The following PRICKLE1 variants were observed in gnomAD, a reference collection of about 807,000 sequenced individuals.
The protein encoded by PRICKLE1 is prickle-like protein 1.
PRICKLE1 carries 14 observed loss-of-function variants against 70.2 expected under a neutral mutation model. The ratio of observed to expected loss-of-function variants is 0.20; its 90% CI spans 0.13 to 0.31. The LOEUF (loss-of-function observed/expected upper bound fraction) is 0.31. Among genes scored for constraint, PRICKLE1 ranks in the 10% least tolerant of loss-of-function variants. The pLI is 1.00. For synonymous variants in PRICKLE1, 357 were observed against 379.9 expected (o/e 0.94, Z 0.70); for missense variants, 821 against 1,026.2 (o/e 0.80, Z 2.73).
intron 1 of PRICKLE1, among the ~76,000 whole-genome samples, chr12:42,542,614 G>A (rs1743598874): frequency 1.3e-5 from 2 of 152,280 alleles, no homozygotes; most frequent in East Asian, 1.9e-4. Context: ...TCATGCCATT[G>A]CACTCCAGTC....
Position 42,469,421 on chromosome 12 carries a change from A to G in PRICKLE1, c.384+29T>C, listed in dbSNP as rs765167311. ...CCACCCCATCCACATCACTGCCACA[A>G]GCTACGCATCAGAGAAGGGGCTGCT... On this transcript the variant is annotated intron_variant, in intron 4 of 7. Transcript: ENST00000345127. 6 of 1,613,176 alleles carry G rather than the reference A, an allele frequency of 3.7e-6. No individual in the cohort carries two copies. In the African/African-American group the frequency reaches 6.7e-5, roughly 18 times the overall value.
chr12:42,576,997 G>C (rs1940815176), intron 1 of PRICKLE1, among the ~76,000 whole-genome samples: 1 of 152,062 alleles, frequency 6.6e-6, no homozygotes, highest in South Asian at 2.1e-4. Context: ...AAGTTATTAG[G>C]GTTATTGAAA....
At chr12:42,565,589 G>C (rs895418669) in intron 1 of PRICKLE1, among the ~76,000 whole-genome samples, 1 of 152,148 alleles carries the variant, frequency 6.6e-6, no homozygotes, top group Non-Finnish European at 1.5e-5. Flanking sequence ...GTTTCTATGG[G>C]TTCACTCCCC....
In PRICKLE1 at chr12:42,574,417, G is replaced by C. The variant is rs570010034; in HGVS notation, c.-49+15048C>G. 8.9e-4 allele frequency among the ~76,000 whole-genome samples: 136 copies of C among 152,334 alleles called. 1 individual carries two copies. Among genetic ancestry groups the C allele is most frequent in the African/African-American group, 3.0e-3 (126 of 41,574 alleles). ...TATGGGCAACACTCTGAACCCCACT[G>C]TCTGTGGACTTTCCATCAACAAAGC... is the stretch of plus-strand genomic sequence containing the variant. On this transcript the variant is annotated intron_variant, in intron 1 of 7. Coordinates refer to ENST00000345127, the MANE Select transcript of PRICKLE1 (RefSeq NM_153026.3).
chr12:42,479,577 T>C (rs558185875), intron 1 of PRICKLE1, among the ~76,000 whole-genome samples: 1 of 152,344 alleles, frequency 6.6e-6, no homozygotes, highest in African/African-American at 2.4e-5. Context: ...TCATTCATCC[T>C]TATATTTAAA....
In PRICKLE1 at chr12:42,552,986, G is replaced by A. The variant is rs573307808; in HGVS notation, c.-49+36479C>T. Among the ~76,000 whole-genome samples, 14 of 152,328 alleles carry A rather than the reference G, an allele frequency of 9.2e-5. No homozygotes were observed. In the South Asian group the frequency reaches 2.7e-3, roughly 29 times the overall value. On this transcript the variant is annotated intron_variant, in intron 1 of 7. Transcript: ENST00000345127. Reference sequence around the variant, plus strand: ...TCTAATGCTGCAGCTGATCTGACAGGAGGTGGAGCTCAGGCTGTATTGCTC... The same window carrying A: ...TCTAATGCTGCAGCTGATCTGACAGAAGGTGGAGCTCAGGCTGTATTGCTC...
At position 42,489,458 on chromosome 12, in the gene PRICKLE1, G is replaced by A. The variant is rs548617386; in HGVS notation, c.-48-16894C>T. 1.8e-3 allele frequency among the ~76,000 whole-genome samples: 265 copies of A among 150,180 alleles called. 1 individual carries two copies. The highest frequency in any genetic ancestry group is 2.9e-3 in the Non-Finnish European group (193 of 67,528). On this transcript the variant is annotated intron_variant, in intron 1 of 7. Transcript: ENST00000345127. ...GCAGATCACTTGAGGTGAGGAGTTC[G>A]AAACCAGCCTGGCCAACATGGTGAA... is the stretch of plus-strand genomic sequence containing the variant.
At chr12:42,505,722 C>T (rs1050063746) in intron 1 of PRICKLE1, among the ~76,000 whole-genome samples, 1 of 152,312 alleles carries the variant, frequency 6.6e-6, no homozygotes, top group East Asian at 1.9e-4. Flanking sequence ...AGGTGTAAGC[C>T]ACTGAGCCCG....
chr12:42,540,835 A>G (rs529588786), intron 1 of PRICKLE1, among the ~76,000 whole-genome samples: 76 of 152,254 alleles, frequency 5.0e-4, no homozygotes, highest in African/African-American at 1.7e-3. Context: ...TGCTGGGATT[A>G]CAGTTGTGAG....
Position 42,568,913 on chromosome 12 carries a change from CA to C in PRICKLE1, c.-49+20551del, listed in dbSNP as rs936754427. 4.5e-4 allele frequency among the ~76,000 whole-genome samples: 68 copies of C among 150,974 alleles called. No individual in the cohort carries two copies. The East Asian group carries it at 5.0e-3, about 11-fold the overall frequency. Reference sequence around the variant, plus strand: ...TTGATAGAAAAATGATAAGCAGAAACAAAAAAAAATCCATAATCCATAGTCC... The same window carrying C: ...TTGATAGAAAAATGATAAGCAGAAACAAAAAAAATCCATAATCCATAGTCC... On this transcript the variant is annotated intron_variant, in intron 1 of 7. Coordinates refer to ENST00000345127, the MANE Select transcript of PRICKLE1 (RefSeq NM_153026.3).
intron 1 of PRICKLE1, among the ~76,000 whole-genome samples, chr12:42,506,455 C>G (rs1939418003): frequency 6.6e-6 from 1 of 151,212 alleles, no homozygotes; most frequent in Non-Finnish European, 1.5e-5. Flanking sequence ...TGAGGTTTCA[C>G]CATGTTGGCC....
chr12:42,563,393 G>A (rs1316812286), intron 1 of PRICKLE1, among the ~76,000 whole-genome samples: 9 of 151,406 alleles, frequency 5.9e-5, no homozygotes, highest in Admixed American at 5.9e-4. Flanking sequence ...GCACAATATT[G>A]GAGTTTTTAA....
chr12:42,568,694 T>C (rs1188415237), intron 1 of PRICKLE1, among the ~76,000 whole-genome samples: 1 of 152,204 alleles, frequency 6.6e-6, no homozygotes, highest in African/African-American at 2.4e-5. Flanking sequence ...TTTAATTGAA[T>C]TTGTTTTTAT....
intron 1 of PRICKLE1, among the ~76,000 whole-genome samples, chr12:42,526,224 A>T (rs1280837696): frequency 7.0e-6 from 1 of 143,568 alleles, no homozygotes; most frequent in Non-Finnish European, 1.5e-5. Flanking sequence ...TAGACCTTAG[A>T]GTAACAAAAA....
chr12:42,475,732 T>C (rs1938497367), intron 1 of PRICKLE1, among the ~76,000 whole-genome samples: 1 of 152,086 alleles, frequency 6.6e-6, no homozygotes, highest in African/African-American at 2.4e-5. Context: ...TTCCTTTATA[T>C]CAGAGAATAC....
At chr12:42,505,342 C>A (rs1338254978) in intron 1 of PRICKLE1, among the ~76,000 whole-genome samples, 3 of 152,224 alleles carry the variant, frequency 2.0e-5, no homozygotes, top group Non-Finnish European at 4.4e-5. Flanking sequence ...CTAAAAATGT[C>A]ATTTAAATGG....
At position 42,457,558 on chromosome 12, in the gene PRICKLE1, C is replaced by A. The variant is rs1372610779; in HGVS notation, c.*2251G>T. On this transcript the variant is annotated 3_prime_UTR_variant, in exon 8 of 8. Coordinates refer to ENST00000345127, the MANE Select transcript of PRICKLE1 (RefSeq NM_153026.3). The stretch of plus-strand genomic sequence containing the variant: ...TCTTTTGGAGGAAAATTGGCAATAT[C>A]CATCAGTCTTAAATACGTAACCTTT... 6.6e-6 allele frequency: 1 copy of A among 152,074 alleles called. No homozygotes were observed. 9.4% of individuals were successfully genotyped at this position (152,074 alleles called of 1,614,324 possible). A position where few individuals can be genotyped will look rare whatever the true frequency, so the allele number is the denominator to read the frequency against.
At chr12:42,527,128 CTTTTTTTTTT>C (rs386376309) in intron 1 of PRICKLE1, among the ~76,000 whole-genome samples, 6 of 100,788 alleles carry the variant, frequency 6.0e-5, no homozygotes, top group African/African-American at 2.0e-4. Flanking sequence ...TTTTTTTCCT[CTTTTTTTTTT>C]TTTTTTTTTT....
chr12:42,556,611 G>A (rs914636866), intron 1 of PRICKLE1, among the ~76,000 whole-genome samples: 12 of 152,142 alleles, frequency 7.9e-5, no homozygotes, highest in African/African-American at 1.4e-4. Context: ...GATCCAGTAC[G>A]AAGTAGGGAC....
Sources: gnomAD v4.1 joint callset for allele counts (sites outside exome capture counted in the v4.1 genomes callset) on GRCh38, gnomAD v4.1.1 for gene constraint, MANE v1.5 for transcripts, NCBI Gene and HGNC (gene_info 2026-07-23, HGNC 2026-07-21) for gene names.